Variants in KIAA2012 observed in about 807,000 individuals in gnomAD.
The protein encoded by KIAA2012 is uncharacterized protein KIAA2012.
In KIAA2012, 125 loss-of-function variants were observed where a neutral mutation model predicts 150.6. The observed-to-expected ratio is 0.83, with a 90% CI of 0.72 to 0.96. The LOEUF (loss-of-function observed/expected upper bound fraction) is 0.96, where lower values mean the gene tolerates loss of function less well. KIAA2012 is among the 40% of genes least tolerant of loss of function. The pLI, the probability that KIAA2012 is intolerant of heterozygous loss-of-function variation, is 0.00. For synonymous variants in KIAA2012, 462 were observed against 504.7 expected, an observed-to-expected ratio of 0.92 and a Z score of 1.13; for missense variants, 1,219 against 1,354.9, an observed-to-expected ratio of 0.90 and a Z score of 1.57.
chr2:202,078,280 G>T (rs1044755587), intron 2 of KIAA2012, among the ~76,000 whole-genome samples: 1 of 152,202 alleles, frequency 6.6e-6, no homozygotes, highest in Non-Finnish European at 1.5e-5. Flanking sequence ...GAGAAAATCT[G>T]CACAATGTTT....
intron 13 of KIAA2012, among the ~76,000 whole-genome samples, chr2:202,143,870 A>G (rs72940512): frequency 0.35 from 52,593 of 152,002 alleles, 9,385 homozygotes; most frequent in East Asian, 0.59. Context: ...GGGGACAATG[A>G]ATTCATCTTT....
At chr2:202,200,831 T>C (rs572378827) in intron 22 of KIAA2012, among the ~76,000 whole-genome samples, 1 of 151,210 alleles carries the variant, frequency 6.6e-6, no homozygotes, top group East Asian at 2.0e-4. Flanking sequence ...CTCAGCCTCC[T>C]GAGTAGCTGG....
intron 12 of KIAA2012, among the ~76,000 whole-genome samples, chr2:202,127,113 G>GA (rs11398139): frequency 0.67 from 99,808 of 149,792 alleles, 33,515 homozygotes; most frequent in African/African-American, 0.77. Flanking sequence ...GGAGAAGCTG[G>GA]AAAAAAAAAA....
Position 202,086,300 on chromosome 2 carries a change from G to T in KIAA2012, c.370-4470G>T, listed in dbSNP as rs530003286. Among the ~76,000 whole-genome samples the T allele has an allele frequency of 2.6e-5, 4 of 152,238 alleles. No individual in the cohort carries two copies. The East Asian group carries it at 5.8e-4, about 22-fold the overall frequency. On this transcript the variant is annotated intron_variant, in intron 2 of 23. Coordinates refer to ENST00000498697, the MANE Select transcript of KIAA2012 (RefSeq NM_001277372.4). Reference sequence around the variant, plus strand: ...CAGGGGCCACAGCATCTTGGAAGAGGCTGGTCCTTACTGCATTCAGAGGAA... The same window carrying T: ...CAGGGGCCACAGCATCTTGGAAGAGTCTGGTCCTTACTGCATTCAGAGGAA...
At position 202,103,066 on chromosome 2, in the gene KIAA2012, A is replaced by T. The variant is rs1418272802; in HGVS notation, c.1276A>T (p.Ile426Phe). The part of the protein sequence containing the change: ...PTELFILPVE[I>F]HYHTKQPPKE... ...AGAGCTCTTCATCTTACCGGTGGAG[A>T]TTCATTACCACACCAAACAACCCCC... The change falls in exon 8 of 24, where the codon ATT becomes TTT. Residue 426 changes from isoleucine (I) to phenylalanine (F), a missense_variant. Ile to Phe is a conservative substitution (Grantham distance 21, BLOSUM62 0). Coordinates refer to ENST00000498697, the MANE Select transcript of KIAA2012 (RefSeq NM_001277372.4). 2 of 1,550,532 alleles carry T rather than the reference A, an allele frequency of 1.3e-6. No individual in the cohort carries two copies. Among genetic ancestry groups the T allele is most frequent in the Admixed American group, 3.9e-5 (2 of 51,004 alleles).
chr2:202,194,254 C>T lies in KIAA2012; in HGVS notation c.3079C>T (p.Leu1027Phe). 6.4e-7 allele frequency: 1 copy of T among 1,550,590 alleles called. No individual in the cohort carries two copies. The highest frequency in any genetic ancestry group is 8.7e-7 in the Non-Finnish European group (1 of 1,147,014). ...GGAGGAGGAGGAGAGAAAGCAGCAG[C>T]TCCGGTTGAAAGCAGCCCAGGAGAG... ...RQEEEERKQQLRLKAAQERAR... is the reference protein window; with the variant it reads ...RQEEEERKQQFRLKAAQERAR... Residue 1027 changes from leucine (L) to phenylalanine (F), a missense_variant, in exon 21 of 24, where the codon CTC becomes TTC. Transcript: ENST00000498697.
At chr2:202,203,603 G>A (rs1326718978) in intron 23 of KIAA2012, among the ~76,000 whole-genome samples, 2 of 152,128 alleles carry the variant, frequency 1.3e-5, no homozygotes, top group African/African-American at 4.8e-5. Flanking sequence ...CTACTGTATT[G>A]GAAAGCACAG....
chr2:202,087,895 A>T (rs1365941415), intron 2 of KIAA2012, among the ~76,000 whole-genome samples: 1 of 151,956 alleles, frequency 6.6e-6, no homozygotes, highest in Non-Finnish European at 1.5e-5. Flanking sequence ...CCATTCTGAG[A>T]TGCAACGGAG....
In KIAA2012 at chr2:202,073,635, C is replaced by T. The variant is rs61742176; in HGVS notation, c.8C>T (p.Thr3Met). The change falls in exon 1 of 24, where the codon ACG becomes ATG. Residue 3 changes from threonine (T) to methionine (M), a missense_variant. By Grantham distance (81) the Thr-to-Met change is moderately conservative. Transcript: ENST00000498697. MF[T>M]LSLLSRGHGK... The stretch of plus-strand genomic sequence containing the variant: ...GGGTGGTCAGAGGGAAACATGTTCA[C>T]GCTCTCCCTCCTGAGCCGGGGCCAC... 2.2e-3 allele frequency: 3,371 copies of T among 1,550,290 alleles called. 74 individuals carry two copies. The African/African-American group carries it at 0.039, about 18-fold the overall frequency.
At chr2:202,131,173 C>T (rs1353859348) in intron 12 of KIAA2012, among the ~76,000 whole-genome samples, 1 of 152,102 alleles carries the variant, frequency 6.6e-6, no homozygotes, top group Non-Finnish European at 1.5e-5. Flanking sequence ...GAGTCTGGCT[C>T]TTGTTGTCCA....
At position 202,113,308 on chromosome 2, in the gene KIAA2012, A is replaced by G. The variant is rs578112531; in HGVS notation, c.1652-28A>G. 4.3e-4 allele frequency: 654 copies of G among 1,520,318 alleles called. 4 individuals carry two copies. In the South Asian group the frequency reaches 5.7e-3, roughly 13 times the overall value. The allele number at this position is 1,520,318 out of a possible 1,614,324, so 94.2% of individuals were successfully genotyped here. A position where few individuals can be genotyped will look rare whatever the true frequency, so the allele number is the denominator to read the frequency against. On this transcript the variant is annotated intron_variant, in intron 10 of 23. Transcript: ENST00000498697. ...TCTCCCTCACCAACACGGTACTGACACTGCCTATGCTTGTGCTTATTTTCA... is the reference window on the plus strand; with the variant it reads ...TCTCCCTCACCAACACGGTACTGACGCTGCCTATGCTTGTGCTTATTTTCA...
intron 2 of KIAA2012, among the ~76,000 whole-genome samples, chr2:202,084,099 G>A (rs13023291): frequency 0.2 from 30,777 of 151,948 alleles, 4,139 homozygotes; most frequent in Non-Finnish European, 0.29. Flanking sequence ...AAGTGGGTGG[G>A]GCCAAATTGT....
chr2:202,095,652 C>T (rs11691110), intron 4 of KIAA2012, among the ~76,000 whole-genome samples: 1 of 152,116 alleles, frequency 6.6e-6, no homozygotes, highest in South Asian at 2.1e-4. Flanking sequence ...ATGATGTTTA[C>T]TAAGAAAAAA....
chr2:202,164,024 T>C (rs1316505348), intron 14 of KIAA2012, among the ~76,000 whole-genome samples: 2 of 152,214 alleles, frequency 1.3e-5, no homozygotes, highest in East Asian at 3.9e-4. Context: ...ATTAGTTGTC[T>C]CTTCTCAAAG....
intron 7 of KIAA2012, among the ~76,000 whole-genome samples, chr2:202,101,991 G>A (rs1301233580): frequency 6.6e-6 from 1 of 152,044 alleles, no homozygotes; most frequent in African/African-American, 2.4e-5. Context: ...CAAACAGCAG[G>A]CCTAATGCTT....
intron 13 of KIAA2012, among the ~76,000 whole-genome samples, chr2:202,147,134 A>G (rs1691318415): frequency 6.6e-6 from 1 of 152,232 alleles, no homozygotes. Flanking sequence ...AAGGAGGACA[A>G]TGAGTCAATC....
intron 23 of KIAA2012, 75 bp downstream of exon 23, chr2:202,202,662 T>C (rs1465578832): frequency 7.6e-6 from 3 of 395,808 alleles, no homozygotes; most frequent in Non-Finnish European, 1.3e-5. Context: ...GCACGGTGGC[T>C]CATGCATGTA....
chr2:202,140,655 C>A (rs2105945589), intron 13 of KIAA2012, among the ~76,000 whole-genome samples: 1 of 152,326 alleles, frequency 6.6e-6, no homozygotes, highest in East Asian at 1.9e-4. Flanking sequence ...TAACTACTTC[C>A]TCAGCCTACT....
intron 10 of KIAA2012, 26 bp downstream of exon 10, chr2:202,109,815 GC>G (rs1281560996): frequency 1.3e-6 from 2 of 1,501,220 alleles, no homozygotes; most frequent in Non-Finnish European, 8.9e-7. Context: ...GTGCATAGAC[GC>G]CCCCCACTGG....
Sources: allele counts gnomAD v4.1 joint callset (sites outside exome capture counted in the v4.1 genomes callset), GRCh38; gene constraint gnomAD v4.1.1; transcripts MANE v1.5; gene names NCBI Gene and HGNC (gene_info 2026-07-23, HGNC 2026-07-21).